The following MKS1 variants were observed in gnomAD, a reference collection of about 807,000 sequenced individuals.
MKS1 encodes tectonic-like complex member MKS1.
In MKS1, 70 loss-of-function variants were observed where a neutral mutation model predicts 83.7. The observed-to-expected ratio is 0.84, with a 90% CI of 0.69 to 1.02. MKS1 has a LOEUF of 1.02. Ranked by LOEUF, MKS1 falls within the 50% of genes least tolerant of loss-of-function variation. The probability of loss-of-function intolerance (pLI) is 0.00; values close to 1 mark genes in which losing one functional copy is unlikely to be tolerated. For synonymous variants in MKS1, 251 were observed against 273.4 expected (o/e 0.92, Z 0.81); for missense variants, 681 against 726.9 (o/e 0.94, Z 0.73).
rs1309433422 is a variant in MKS1 at position 58,213,827 on chromosome 17, C to T, written c.687G>A (p.Lys229=). Residue 229 remains lysine, a synonymous_variant, in exon 7 of 18, where the codon AAG becomes AAA. Coordinates refer to ENST00000393119, the MANE Select transcript of MKS1 (RefSeq NM_017777.4). ...CTGTGATCACACCATTGCTATCCAC[C>T]TTCAGAGTACACAGGACATGTTCAT... ...KKYEHVLCTL[K]VDSNGVITVK... 2.7e-5 allele frequency: 44 copies of T among 1,614,000 alleles called. No individual in the cohort carries two copies. The highest frequency in any genetic ancestry group is 3.6e-5 in the Non-Finnish European group (43 of 1,180,020).
chr17:58,213,442 C>T (rs547975927), intron 7 of MKS1, among the ~76,000 whole-genome samples: 1 of 152,172 alleles, frequency 6.6e-6, no homozygotes. Flanking sequence ...AGATGAGGAA[C>T]AGTCAGCCCA....
intron 2 of MKS1, 137 bp downstream of exon 2, chr17:58,218,477 AAAAGCC>A: frequency 9.4e-6 from 4 of 424,772 alleles, no homozygotes; most frequent in East Asian, 5.5e-5. Context: ...AAAAAAAAAA[AAAAGCC>A]ACAAATAGAA....
intron 5 of MKS1, 148 bp from the exon 6 acceptor site, chr17:58,214,535 G>A: frequency 7.3e-7 from 1 of 1,366,216 alleles, no homozygotes; most frequent in Non-Finnish European, 1.0e-6. Context: ...AAACAGAAAT[G>A]ACATCCCTTC....
rs761593549 is a variant in MKS1 at position 58,210,159 on chromosome 17, C to A, written c.1024+500G>T. Reference sequence around the variant, plus strand: ...AAGAGTTCTTTTTGGTCATGTTAGACAGAAATGACAAAAGAGGTAACTGGA... The same window carrying A: ...AAGAGTTCTTTTTGGTCATGTTAGAAAGAAATGACAAAAGAGGTAACTGGA... On this transcript the variant is annotated intron_variant, in intron 11 of 17. Coordinates refer to ENST00000393119, the MANE Select transcript of MKS1 (RefSeq NM_017777.4). Among the ~76,000 whole-genome samples, 89 of 152,024 alleles carry A rather than the reference C, an allele frequency of 5.9e-4. 1 individual carries two copies. The highest frequency in any genetic ancestry group is 5.4e-4 in the Non-Finnish European group (37 of 68,002).
At chr17:58,217,702 G>A (rs1452620245) in intron 2 of MKS1, among the ~76,000 whole-genome samples, 1 of 152,150 alleles carries the variant, frequency 6.6e-6, no homozygotes, top group Admixed American at 6.5e-5. Context: ...CTAGTTGGGA[G>A]GCTGAGGCAG....
chr17:58,218,709 G>T lies in MKS1; in HGVS notation c.101C>A (p.Thr34Lys). The T allele has an allele frequency of 6.2e-7, 1 of 1,614,000 alleles. No homozygotes were observed. Among genetic ancestry groups the T allele is most frequent in the South Asian group, 1.1e-5 (1 of 91,068 alleles). The change falls in exon 2 of 18, where the codon ACA (threonine) becomes AAA (lysine). Residue 34 changes from threonine (T) to lysine (K), a missense_variant. By Grantham distance (78) the Thr-to-Lys change is moderately conservative. This residue lies in a region of MKS1 where 365 missense variants were observed against 383.8 expected (regional missense o/e 0.95). Transcript: ENST00000393119. The stretch of plus-strand genomic sequence containing the variant: ...CTGATAATGAAGAAAGTTGCTTGAT[G>T]TGATTCTTTGCAGGTGGACTCTGTC... The part of the protein sequence containing the change: ...LRLRVHLQRI[T>K]SSNFLHYQPA...
chr17:58,216,848 T>G, intron 2 of MKS1, 112 bp from the exon 3 acceptor site: 1 of 1,091,806 alleles, frequency 9.2e-7, no homozygotes, highest in Non-Finnish European at 1.4e-6. Flanking sequence ...AAAAACTAGC[T>G]GGAATTCAGC....
At chr17:58,219,084 G>A in intron 1 of MKS1, 67 bp downstream of exon 1, 11 of 1,535,712 alleles carry the variant, frequency 7.2e-6, no homozygotes, top group African/African-American at 4.1e-5. Context: ...TCAGAACACC[G>A]AGCTCAGGTT....
In MKS1 at chr17:58,212,423, C is replaced by T. The variant is rs769489826; in HGVS notation, c.870G>A (p.Arg290=). The change falls in exon 9 of 18, where the codon CGG becomes CGA. Residue 290 remains arginine (R), a synonymous_variant. Coordinates refer to ENST00000393119, the MANE Select transcript of MKS1 (RefSeq NM_017777.4). The part of the protein sequence containing the change: ...ERRVFKDLYG[R]HKEYLSSLVG... ...CGAGGCTGCTGAGATACTCCTTGTG[C>T]CGGCCATAAAGCTGAGGAAACAAAC... The T allele has an allele frequency of 1.9e-6, 3 of 1,614,130 alleles. No homozygotes were observed. Among genetic ancestry groups the T allele is most frequent in the Admixed American group, 3.3e-5 (2 of 60,006 alleles).
chr17:58,212,600 G>A (rs972419352), intron 8 of MKS1, among the ~76,000 whole-genome samples, 166 bp from the exon 9 acceptor site: 5 of 152,220 alleles, frequency 3.3e-5, no homozygotes, highest in African/African-American at 1.2e-4. Flanking sequence ...CCTGGAGTCA[G>A]CTGGTCTGGG....
At chr17:58,216,053 A>T in intron 4 of MKS1, 35 bp downstream of exon 4, 1 of 1,612,318 alleles carries the variant, frequency 6.2e-7, no homozygotes, top group Non-Finnish European at 8.5e-7. Context: ...GAGGAAGCAA[A>T]GATGGAAGCT....
In MKS1 at chr17:58,205,690, T is replaced by C; in HGVS notation, c.*389A>G. ...GTCCACCTTCCTTCCTTCTTTGGTC[T>C]TGGAAGATGAAAGGCTCCATTTTTA... On this transcript the variant is annotated 3_prime_UTR_variant, in exon 18 of 18. Coordinates refer to ENST00000393119, the MANE Select transcript of MKS1 (RefSeq NM_017777.4). 1.5e-6 allele frequency: 2 copies of C among 1,317,270 alleles called. No individual in the cohort carries two copies. The highest frequency in any genetic ancestry group is 2.5e-5 in the South Asian group (2 of 81,156). The allele number at this position is 1,317,270 out of a possible 1,614,324, so 81.6% of individuals were successfully genotyped here.
intron 9 of MKS1, 135 bp from the exon 10 acceptor site, chr17:58,211,157 C>A: frequency 2.6e-6 from 2 of 767,352 alleles, no homozygotes; most frequent in East Asian, 2.6e-5. Flanking sequence ...CACTTTCTCC[C>A]CACCCTGACA....
chr17:58,212,354 G>C (rs1375000646), intron 9 of MKS1, 24 bp downstream of exon 9: 4 of 1,607,064 alleles, frequency 2.5e-6, no homozygotes, highest in Non-Finnish European at 2.6e-6. Context: ...AGCTCACAGT[G>C]CTGCAGGAAG....
In MKS1 at chr17:58,206,139, C is replaced by T. The variant is rs267604965; in HGVS notation, c.1620G>A (p.Gln540=). 1 of 1,613,786 alleles carries T rather than the reference C, an allele frequency of 6.2e-7. No homozygotes were observed. The highest frequency in any genetic ancestry group is 8.5e-7 in the Non-Finnish European group (1 of 1,179,922). The change falls in exon 18 of 18, where the codon CAG becomes CAA. Residue 540 remains glutamine, a synonymous_variant. Coordinates refer to ENST00000393119, the MANE Select transcript of MKS1 (RefSeq NM_017777.4). The stretch of plus-strand genomic sequence containing the variant: ...CCTGCGGGAGGCTTTCCCGGGCCTC[C>T]TGCATGCGGCGCCGGGCTCGACGGA... ...EAFRRARRRM[Q]EARESLPQDL...
intron 12 of MKS1, 75 bp downstream of exon 12, chr17:58,208,438 G>T: frequency 6.5e-7 from 1 of 1,541,052 alleles, no homozygotes; most frequent in Non-Finnish European, 9.0e-7. Context: ...ACAGCACTTG[G>T]CCTGATAAAA....
At position 58,219,007 on chromosome 17, in the gene MKS1, G is replaced by T. The variant is rs73329640; in HGVS notation, c.80+144C>A. 42,490 of 1,210,458 alleles carry T rather than the reference G, an allele frequency of 0.035. 1,405 individuals are homozygous for T. The highest frequency in any genetic ancestry group is 0.16 in the African/African-American group (10,803 of 66,514). 75.0% of individuals were successfully genotyped at this position (1,210,458 alleles called of 1,614,324 possible). ...TCTTAGAGGCTGTGAGTGGATGGGG[G>T]TACGGATAGTGAAAGAAGTGGGGAG... On this transcript the variant is annotated intron_variant, in intron 1 of 17. Transcript: ENST00000393119.
At chr17:58,212,333 C>G (rs1009391731) in intron 9 of MKS1, 45 bp downstream of exon 9, 2 of 1,608,654 alleles carry the variant, frequency 1.2e-6, no homozygotes, top group Non-Finnish European at 1.7e-6. Flanking sequence ...CAGAATGCTC[C>G]GGCTAAACAC....
Position 58,208,666 on chromosome 17 carries a change from C to CT in MKS1, c.1025-84dup, listed in dbSNP as rs536733808. ...AAAAAGACAGTTTCTTTTTTCTTTT[C>CT]TTTTTTTTTTTTGTATTTATTGATC... On this transcript the variant is annotated intron_variant, in intron 11 of 17. Coordinates refer to ENST00000393119, the MANE Select transcript of MKS1 (RefSeq NM_017777.4). 73,751 of 918,072 alleles carry CT rather than the reference C, an allele frequency of 0.08. 10 individuals carry two copies. Among genetic ancestry groups the CT allele is most frequent in the East Asian group, 0.092 (2,646 of 28,620 alleles). The allele number at this position is 918,072 out of a possible 1,614,324, so 56.9% of individuals were successfully genotyped here.
Sources: gnomAD v4.1 joint callset for allele counts (sites outside exome capture counted in the v4.1 genomes callset) on GRCh38, gnomAD v4.1.1 for gene constraint, gnomAD v4.1.1 regional missense constraint, MANE v1.5 for transcripts, NCBI Gene and HGNC (gene_info 2026-07-23, HGNC 2026-07-21) for gene names.